The following MKRN2 variants were observed in gnomAD, a reference collection of about 807,000 sequenced individuals.
MKRN2 encodes makorin ring finger protein 2.
A neutral mutation model predicts 45.4 loss-of-function variants in MKRN2; 32 were observed. That is an observed-to-expected ratio of 0.70 (90% CI 0.53 to 0.95). The LOEUF (loss-of-function observed/expected upper bound fraction) is 0.95. Among genes scored for constraint, MKRN2 ranks in the 40% least tolerant of loss-of-function variants. The pLI is 0.00. For synonymous variants in MKRN2, 206 were observed against 192.4 expected, an observed-to-expected ratio of 1.07 and a Z score of -0.59; for missense variants, 526 against 536.7, an observed-to-expected ratio of 0.98 and a Z score of 0.20.
chr3:12,572,442 G>A lies in MKRN2; in HGVS notation c.642+69G>A, dbSNP rs184946357. On this transcript the variant is annotated intron_variant, in intron 4 of 7. Transcript: ENST00000170447. ...AAATGTACTGAACAGGACACGGAAG[G>A]CCATCCATATACACTCAAGAAATCT... 2.7e-3 allele frequency: 3,833 copies of A among 1,411,650 alleles called. 9 individuals are homozygous for A. Among genetic ancestry groups the A allele is most frequent in the Non-Finnish European group, 3.3e-3 (3,473 of 1,057,642 alleles). The allele number at this position is 1,411,650 out of a possible 1,614,324, so 87.4% of individuals were successfully genotyped here. A position where few individuals can be genotyped will look rare whatever the true frequency, so the allele number is the denominator to read the frequency against.
Position 12,581,863 on chromosome 3 carries a change from A to G in MKRN2, c.1024A>G (p.Lys342Glu). 6.2e-7 allele frequency: 1 copy of G among 1,614,200 alleles called. No individual in the cohort carries two copies. Among genetic ancestry groups the G allele is most frequent in the Non-Finnish European group, 8.5e-7 (1 of 1,180,042 alleles). ...CAAGGGGACCTGCCCATTTGGAAGC[A>G]AATGTCTTTATCGCCATGCTTACCC... ...QGKGTCPFGS[K>E]CLYRHAYPDG... Residue 342 changes from lysine (K) to glutamate (E), a missense_variant, in exon 7 of 8, where the codon AAA becomes GAA. Transcript: ENST00000170447.
chr3:12,576,229 GTA>G (rs1484815224), intron 5 of MKRN2, among the ~76,000 whole-genome samples: 1 of 136,570 alleles, frequency 7.3e-6, no homozygotes. Context: ...GTGTGTGTGT[GTA>G]TTTTTTTTGC....
intron 3 of MKRN2, among the ~76,000 whole-genome samples, chr3:12,570,883 CAAAAAAAAAAAA>C (rs889392244): frequency 8.2e-5 from 4 of 48,784 alleles, no homozygotes; most frequent in African/African-American, 2.7e-4. Context: ...GACTCCCTCT[CAAAAAAAAAAAA>C]AAAAAAAAGA....
chr3:12,566,842 A>T (rs189687149), intron 1 of MKRN2, among the ~76,000 whole-genome samples: 10 of 152,104 alleles, frequency 6.6e-5, no homozygotes, highest in African/African-American at 2.4e-4. Flanking sequence ...ACCTCTGGTC[A>T]TCCACCCACC....
At chr3:12,572,745 CGGCT>C (rs1318481026) in intron 4 of MKRN2, among the ~76,000 whole-genome samples, 1 of 151,924 alleles carries the variant, frequency 6.6e-6, no homozygotes, top group African/African-American at 2.4e-5. Context: ...CCACCACACC[CGGCT>C]ACTTTTTGTA....
Sources: gnomAD v4.1 joint callset for allele counts (sites outside exome capture counted in the v4.1 genomes callset) on GRCh38, gnomAD v4.1.1 for gene constraint, MANE v1.5 for transcripts, NCBI Gene and HGNC (gene_info 2026-07-23, HGNC 2026-07-21) for gene names.